The following CHRM5 variants were observed in gnomAD, a reference collection of about 807,000 sequenced individuals.
CHRM5 encodes cholinergic receptor muscarinic 5, also known as muscarinic acetylcholine receptor M5.
A neutral mutation model predicts 39.0 loss-of-function variants in CHRM5; 18 were observed. That is an observed-to-expected ratio of 0.46 (90% CI 0.32 to 0.68). CHRM5 has a LOEUF of 0.68. Ranked by LOEUF, CHRM5 falls within the 30% of genes least tolerant of loss-of-function variation. CHRM5 has a pLI of 0.04. For synonymous variants in CHRM5, 241 were observed against 246.3 expected (o/e 0.98, Z 0.20); for missense variants, 515 against 651.1 (o/e 0.79, Z 2.28).
At chr15:34,020,947 C>T (rs75234338) in intron 1 of CHRM5, among the ~76,000 whole-genome samples, 4,459 of 152,294 alleles carry the variant, frequency 0.029, 179 homozygotes, top group African/African-American at 0.081. Flanking sequence ...TATATGCACA[C>T]ACTGACCAAA....
intron 2 of CHRM5, among the ~76,000 whole-genome samples, chr15:34,051,815 A>G (rs1899933587): frequency 6.6e-6 from 1 of 152,070 alleles, no homozygotes; most frequent in African/African-American, 2.4e-5. Context: ...TTAATAGACC[A>G]ATAATGAGTT....
intron 1 of CHRM5, among the ~76,000 whole-genome samples, chr15:33,996,708 G>A (rs1164929445): frequency 6.6e-6 from 1 of 152,050 alleles, no homozygotes; most frequent in Non-Finnish European, 1.5e-5. Context: ...TAGGTCACCA[G>A]CATCAAAGAC....
intron 1 of CHRM5, among the ~76,000 whole-genome samples, chr15:34,036,864 C>T (rs1044333777): frequency 7.9e-5 from 12 of 152,094 alleles, no homozygotes. Context: ...TATCCCAGCA[C>T]CTTGGGAGGC....
At chr15:34,042,121 T>C (rs1567485226) in intron 1 of CHRM5, among the ~76,000 whole-genome samples, 1 of 152,170 alleles carries the variant, frequency 6.6e-6, no homozygotes, top group Non-Finnish European at 1.5e-5. Flanking sequence ...GTTATTAAGG[T>C]TTAAAAATAC....
At chr15:34,043,363 G>A (rs372846175) in intron 1 of CHRM5, among the ~76,000 whole-genome samples, 6 of 152,302 alleles carry the variant, frequency 3.9e-5, no homozygotes, top group African/African-American at 1.4e-4. Context: ...AGTTTGTGGG[G>A]AAAGTACCTC....
At chr15:34,001,715 C>CAAGCT (rs3028026) in intron 1 of CHRM5, among the ~76,000 whole-genome samples, 145,439 of 152,062 alleles carry the variant, frequency 0.96, 69,893 homozygotes, top group East Asian at 1. Flanking sequence ...ACGGTAATGA[C>CAAGCT]GAATCCTGTG....
intron 1 of CHRM5, among the ~76,000 whole-genome samples, chr15:33,996,494 G>T (rs890128580): frequency 2.6e-5 from 4 of 152,198 alleles, no homozygotes; most frequent in Non-Finnish European, 5.9e-5. Flanking sequence ...GGAAGGATCA[G>T]GCAGCAACAT....
chr15:33,994,189 G>A (rs576628604), intron 1 of CHRM5, among the ~76,000 whole-genome samples: 2 of 152,340 alleles, frequency 1.3e-5, no homozygotes, highest in South Asian at 4.1e-4. Context: ...CCTACTGCTT[G>A]CATTAGTGCC....
intron 1 of CHRM5, among the ~76,000 whole-genome samples, chr15:34,027,825 C>CAA (rs539182561): frequency 0.011 from 662 of 61,180 alleles, 10 homozygotes; most frequent in Middle Eastern, 0.035. Flanking sequence ...AGGTGAGGCT[C>CAA]AAAAAAAAAA....
At position 34,064,136 on chromosome 15, in the gene CHRM5, A is replaced by G. The variant is rs1325953291; in HGVS notation, c.1419A>G (p.Pro473=). Residue 473 remains proline, a synonymous_variant, in exon 3 of 3, where the codon CCA becomes CCG. Coordinates refer to ENST00000383263, the MANE Select transcript of CHRM5 (RefSeq NM_012125.4). The part of the protein sequence containing the change: ...LVSTFCDKCV[P]VTLWHLGYWL... ...CTACCTTCTGTGACAAGTGTGTCCC[A>G]GTCACCCTGTGGCACTTGGGCTATT... 3.1e-6 allele frequency: 5 copies of G among 1,614,100 alleles called. No individual in the cohort carries two copies. Among genetic ancestry groups the G allele is most frequent in the Non-Finnish European group, 3.4e-6 (4 of 1,180,046 alleles).
intron 1 of CHRM5, chr15:34,038,766 C>A: frequency 8.6e-7 from 1 of 1,167,234 alleles, no homozygotes; most frequent in Non-Finnish European, 1.1e-6. Context: ...GCCCCACCAG[C>A]CGTCGCCTCT....
chr15:34,009,376 C>G (rs1403194072), intron 1 of CHRM5, among the ~76,000 whole-genome samples: 1 of 152,120 alleles, frequency 6.6e-6, no homozygotes, highest in Non-Finnish European at 1.5e-5. Context: ...CACATAAATG[C>G]ATATTTCTTC....
chr15:33,982,873 A>G (rs180801847), intron 1 of CHRM5, among the ~76,000 whole-genome samples: 30 of 151,928 alleles, frequency 2.0e-4, no homozygotes, highest in Admixed American at 1.8e-3. Context: ...AATTATCCCA[A>G]CTTCTGAGGG....
At chr15:33,982,349 C>T (rs1242548971) in intron 1 of CHRM5, among the ~76,000 whole-genome samples, 2 of 152,060 alleles carry the variant, frequency 1.3e-5, no homozygotes, top group Non-Finnish European at 2.9e-5. Flanking sequence ...TCTCCCATCC[C>T]AATCCAAACC....
At chr15:34,005,668 C>T (rs989683245) in intron 1 of CHRM5, among the ~76,000 whole-genome samples, 1 of 152,156 alleles carries the variant, frequency 6.6e-6, no homozygotes, top group South Asian at 2.1e-4. Flanking sequence ...CCTCTTTCAT[C>T]GAGGAAATTG....
intron 1 of CHRM5, among the ~76,000 whole-genome samples, chr15:33,983,821 A>T (rs1451034731): frequency 6.6e-6 from 1 of 152,098 alleles, no homozygotes; most frequent in Admixed American, 6.5e-5. Context: ...AGTTAACATC[A>T]TCAGCAGTAA....
chr15:34,053,009 A>G (rs2140829824), intron 2 of CHRM5, among the ~76,000 whole-genome samples: 1 of 152,170 alleles, frequency 6.6e-6, no homozygotes, highest in Admixed American at 6.6e-5. Flanking sequence ...AAAAATTCAT[A>G]TGGAACCAGG....
intron 2 of CHRM5, among the ~76,000 whole-genome samples, chr15:34,061,400 A>AT (rs1326603395): frequency 9.9e-5 from 1 of 10,148 alleles, no homozygotes; most frequent in East Asian, 0.5. Flanking sequence ...AGATGTACTG[A>AT]TAAAAAGCTG....
At chr15:34,052,802 C>T (rs1351150261) in intron 2 of CHRM5, among the ~76,000 whole-genome samples, 1 of 152,078 alleles carries the variant, frequency 6.6e-6, no homozygotes, top group Non-Finnish European at 1.5e-5. Flanking sequence ...AGTGAAGGAC[C>T]TCTTCAAGGA....
Sources: allele counts gnomAD v4.1 joint callset (sites outside exome capture counted in the v4.1 genomes callset), GRCh38; gene constraint gnomAD v4.1.1; transcripts MANE v1.5; gene names NCBI Gene and HGNC (gene_info 2026-07-23, HGNC 2026-07-21).